Variants in ZNF521 observed in about 807,000 individuals in gnomAD.
ZNF521 encodes LYST-interacting protein 3.
ZNF521 carries 14 observed loss-of-function variants against 105.5 expected under a neutral mutation model. The observed-to-expected ratio is 0.13, with a 90% CI of 0.09 to 0.21. ZNF521 has a LOEUF of 0.21. Ranked by LOEUF, ZNF521 falls within the 10% of genes least tolerant of loss-of-function variation. The pLI, the probability that ZNF521 is intolerant of heterozygous loss-of-function variation, is 1.00. For missense variants in ZNF521, 1,233 were observed against 1,629.7 expected (o/e 0.76, Z 4.19); for synonymous variants, 635 against 606.0 (o/e 1.05, Z -0.70).
intron 3 of ZNF521, among the ~76,000 whole-genome samples, chr18:25,283,558 C>A (rs1024706292): frequency 6.6e-6 from 1 of 152,214 alleles, no homozygotes; most frequent in Non-Finnish European, 1.5e-5. Flanking sequence ...TATGTGTCTG[C>A]ATTAAGTATA....
chr18:25,307,274 G>A (rs1912035536), intron 3 of ZNF521, among the ~76,000 whole-genome samples: 4 of 152,200 alleles, frequency 2.6e-5, no homozygotes, highest in Admixed American at 2.6e-4. Flanking sequence ...CTGAATATGT[G>A]TTCACTCCCC....
At chr18:25,220,374 A>G (rs897232213) in intron 4 of ZNF521, among the ~76,000 whole-genome samples, 2 of 152,222 alleles carry the variant, frequency 1.3e-5, no homozygotes, top group African/African-American at 4.8e-5. Flanking sequence ...CTGAAGGAGA[A>G]GAGAAAGAAG....
At chr18:25,190,979 T>C (rs2035808493) in intron 5 of ZNF521, among the ~76,000 whole-genome samples, 1 of 152,212 alleles carries the variant, frequency 6.6e-6, no homozygotes, top group South Asian at 2.1e-4. Context: ...TCTTATTAGC[T>C]ATCCTTTAAA....
chr18:25,105,526 G>C (rs1327670469), intron 5 of ZNF521, among the ~76,000 whole-genome samples: 1 of 152,054 alleles, frequency 6.6e-6, no homozygotes, highest in African/African-American at 2.4e-5. Context: ...CCTTATCTCT[G>C]AGGATGATTA....
At chr18:25,123,411 T>C (rs1301448323) in intron 5 of ZNF521, among the ~76,000 whole-genome samples, 2 of 152,154 alleles carry the variant, frequency 1.3e-5, no homozygotes, top group Non-Finnish European at 2.9e-5. Context: ...CCTCAGTCAA[T>C]TGAAATAATT....
At chr18:25,081,364 C>T (rs1199334984) in intron 7 of ZNF521, among the ~76,000 whole-genome samples, 1 of 152,146 alleles carries the variant, frequency 6.6e-6, no homozygotes, top group Non-Finnish European at 1.5e-5. Flanking sequence ...AACCAGCCAT[C>T]AATATGAACA....
At chr18:25,151,471 C>T (rs370824547) in intron 5 of ZNF521, among the ~76,000 whole-genome samples, 19 of 152,178 alleles carry the variant, frequency 1.2e-4, no homozygotes, top group East Asian at 3.9e-4. Flanking sequence ...TATCTTTTTA[C>T]CCCCAATGAT....
At chr18:25,232,303 G>A (rs1480295869) in intron 3 of ZNF521, among the ~76,000 whole-genome samples, 2 of 152,160 alleles carry the variant, frequency 1.3e-5, no homozygotes, top group Admixed American at 1.3e-4. Flanking sequence ...TACCCTCTGG[G>A]GTGTTACAAA....
intron 5 of ZNF521, among the ~76,000 whole-genome samples, chr18:25,178,469 T>C (rs544934317): frequency 6.6e-6 from 1 of 152,356 alleles, no homozygotes; most frequent in Admixed American, 6.5e-5. Flanking sequence ...AACATTTTTA[T>C]GCTGCTCATT....
At position 25,062,602 on chromosome 18, in the gene ZNF521, T is replaced by A; in HGVS notation, c.*110A>T. 7.2e-7 allele frequency: 1 copy of A among 1,393,528 alleles called. No individual in the cohort carries two copies. The highest frequency in any genetic ancestry group is 9.9e-7 in the Non-Finnish European group (1 of 1,009,444). 86.3% of individuals were successfully genotyped at this position (1,393,528 alleles called of 1,614,324 possible). A position where few individuals can be genotyped will look rare whatever the true frequency, so the allele number is the denominator to read the frequency against. On this transcript the variant is annotated 3_prime_UTR_variant, in exon 8 of 8. Coordinates refer to ENST00000361524, the MANE Select transcript of ZNF521 (RefSeq NM_015461.3). ...TGATAATACAAGTTTTATGGTACAA[T>A]ACAATGTTTCTGAATAATATACATT...
At chr18:25,333,265 G>A (rs1173060415) in intron 2 of ZNF521, among the ~76,000 whole-genome samples, 1 of 149,706 alleles carries the variant, frequency 6.7e-6, no homozygotes, top group African/African-American at 2.5e-5. Flanking sequence ...TTTTTACTAT[G>A]TAGTTTAATA....
intron 5 of ZNF521, among the ~76,000 whole-genome samples, chr18:25,153,034 T>C (rs145439838): frequency 1.8e-4 from 27 of 152,278 alleles, no homozygotes; most frequent in Admixed American, 7.2e-4. Flanking sequence ...CTTTATAAAA[T>C]AGTTACTGAC....
chr18:25,158,138 TTAAA>T (rs1221212574), intron 5 of ZNF521, among the ~76,000 whole-genome samples: 4 of 152,166 alleles, frequency 2.6e-5, no homozygotes, highest in Non-Finnish European at 5.9e-5. Flanking sequence ...TGTGGTTTCG[TTAAA>T]TACTTGATAT....
intron 5 of ZNF521, among the ~76,000 whole-genome samples, chr18:25,181,814 C>A (rs1009673511): frequency 1.3e-5 from 2 of 152,172 alleles, no homozygotes; most frequent in African/African-American, 4.8e-5. Flanking sequence ...GCTGACCCTG[C>A]AGTCTTATTT....
intron 2 of ZNF521, among the ~76,000 whole-genome samples, chr18:25,340,446 G>T (rs1185242113): frequency 6.6e-6 from 1 of 152,012 alleles, no homozygotes; most frequent in African/African-American, 2.4e-5. Context: ...AAGGTAAATG[G>T]GTGGTCTTGA....
chr18:25,205,692 A>G (rs2036067059), intron 4 of ZNF521, among the ~76,000 whole-genome samples: 1 of 152,180 alleles, frequency 6.6e-6, no homozygotes, highest in Non-Finnish European at 1.5e-5. Context: ...CCCACCATAA[A>G]CTAGGAAAAA....
intron 3 of ZNF521, among the ~76,000 whole-genome samples, chr18:25,300,721 C>G (rs1469748305): frequency 6.6e-6 from 1 of 152,150 alleles, no homozygotes; most frequent in Admixed American, 6.5e-5. Flanking sequence ...CAGTAAAGTT[C>G]TTCAAAAACA....
intron 3 of ZNF521, among the ~76,000 whole-genome samples, chr18:25,272,064 C>T (rs935982403): frequency 2.0e-5 from 3 of 151,556 alleles, no homozygotes; most frequent in Admixed American, 6.6e-5. Flanking sequence ...AACAAATTTG[C>T]AAGAAAAAAA....
chr18:25,265,420 C>T (rs897708111), intron 3 of ZNF521, among the ~76,000 whole-genome samples: 1 of 152,194 alleles, frequency 6.6e-6, no homozygotes, highest in Non-Finnish European at 1.5e-5. Context: ...AACTTAATTA[C>T]TGTTACCCAG....
Sources: gnomAD v4.1 joint callset for allele counts (sites outside exome capture counted in the v4.1 genomes callset) on GRCh38, gnomAD v4.1.1 for gene constraint, MANE v1.5 for transcripts, NCBI Gene and HGNC (gene_info 2026-07-23, HGNC 2026-07-21) for gene names.